Variants in CEP295 observed in about 807,000 individuals in gnomAD.
CEP295 encodes the protein centrosomal protein 295.
CEP295 carries 190 observed loss-of-function variants against 291.6 expected under a neutral mutation model. That is an observed-to-expected ratio of 0.65 (90% CI 0.58 to 0.73). The LOEUF (loss-of-function observed/expected upper bound fraction) is 0.73, where lower values mean the gene tolerates loss of function less well. Among genes scored for constraint, CEP295 ranks in the 30% least tolerant of loss-of-function variants. The pLI is 0.00. For missense variants in CEP295, 2,863 were observed against 2,949.4 expected (o/e 0.97, Z 0.68); for synonymous variants, 993 against 1,038.8 (o/e 0.96, Z 0.85).
rs926551300 is a variant in CEP295, at chr11:93,713,277, A to G, written c.5749+6380A>G. ...TATAATATTCTGTGTATTTCTGTGT[A>G]CTTACTATTACCAGTGATTTTTGTA... is the stretch of plus-strand genomic sequence containing the variant. On this transcript the variant is annotated intron_variant, in intron 18 of 29. Coordinates refer to ENST00000325212, the MANE Select transcript of CEP295 (RefSeq NM_033395.2). Among the ~76,000 whole-genome samples the G allele has an allele frequency of 2.6e-5, 4 of 152,150 alleles. No individual in the cohort carries two copies. In the South Asian group the frequency reaches 8.3e-4, roughly 32 times the overall value.
intron 24 of CEP295, 61 bp from the exon 25 acceptor site, chr11:93,728,620 G>A (rs538362675): frequency 1.3e-5 from 19 of 1,422,282 alleles, no homozygotes; most frequent in Admixed American, 1.2e-4. Flanking sequence ...TATACAAAAC[G>A]ATTAGTTTAA....
intron 18 of CEP295, among the ~76,000 whole-genome samples, chr11:93,716,453 T>A (rs1591128217): frequency 6.6e-6 from 1 of 152,368 alleles, no homozygotes; most frequent in East Asian, 1.9e-4. Context: ...CTGTGATTGC[T>A]CACCGGATTT....
chr11:93,723,986 A>C, intron 21 of CEP295: 1 of 191,060 alleles, frequency 5.2e-6, no homozygotes, highest in South Asian at 1.6e-4. Flanking sequence ...AAATTTAAAA[A>C]AATTAAATTT....
intron 15 of CEP295, among the ~76,000 whole-genome samples, chr11:93,701,566 G>T (rs186039705): frequency 1.3e-5 from 2 of 152,148 alleles, no homozygotes; most frequent in Admixed American, 1.3e-4. Context: ...ATGGAAAGAT[G>T]AAATGGAGGC....
intron 18 of CEP295, among the ~76,000 whole-genome samples, chr11:93,714,175 G>A (rs541789686): frequency 6.6e-6 from 1 of 152,206 alleles, no homozygotes; most frequent in African/African-American, 2.4e-5. Flanking sequence ...ATTTAGTTTG[G>A]TGAAGTCATG....
At position 93,729,323 on chromosome 11, in the gene CEP295, A is replaced by T. The variant is rs895794045; in HGVS notation, c.7303-111A>T. 1.4e-5 allele frequency: 10 copies of T among 732,328 alleles called. No individual in the cohort carries two copies. The Admixed American group carries it at 2.3e-4, about 17-fold the overall frequency. 45.4% of individuals were successfully genotyped at this position (732,328 alleles called of 1,614,324 possible). On this transcript the variant is annotated intron_variant, in intron 25 of 29. Coordinates refer to ENST00000325212, the MANE Select transcript of CEP295 (RefSeq NM_033395.2). ...GCGGGTCTCTGTAGACCCAGCTAAG[A>T]TTGAGGCTGCAGTGAGGTGTGATCA...
chr11:93,668,937 A>G lies in CEP295; in HGVS notation c.434+5A>G, dbSNP rs1565428390. The G allele has an allele frequency of 5.5e-6, 6 of 1,095,784 alleles. No individual in the cohort carries two copies. The highest frequency in any genetic ancestry group is 2.6e-5 in the East Asian group (1 of 38,610). 67.9% of individuals were successfully genotyped at this position (1,095,784 alleles called of 1,614,324 possible). A position where few individuals can be genotyped will look rare whatever the true frequency, so the allele number is the denominator to read the frequency against. On this transcript the variant is annotated splice_donor_5th_base_variant and intron_variant, in intron 4 of 29. Transcript: ENST00000325212. ...ATTACTGAAACAAAAAACCTGGTAAAGTAATAATTTTTACTATAATCTCAA... is the reference window on the plus strand; with the variant it reads ...ATTACTGAAACAAAAAACCTGGTAAGGTAATAATTTTTACTATAATCTCAA...
chr11:93,695,776 C>G, intron 13 of CEP295, 142 bp downstream of exon 13: 1 of 900,898 alleles, frequency 1.1e-6, no homozygotes, highest in East Asian at 3.4e-5. Flanking sequence ...TTTGGGTGGC[C>G]GAGACAGGCA....
intron 1 of CEP295, among the ~76,000 whole-genome samples, chr11:93,663,320 C>T (rs1950071210): frequency 6.6e-6 from 1 of 152,194 alleles, no homozygotes; most frequent in African/African-American, 2.4e-5. Flanking sequence ...TAGACTTACA[C>T]TGAAGTCTGA....
chr11:93,724,066 T>A, intron 21 of CEP295, 188 bp from the exon 22 acceptor site: 1 of 511,242 alleles, frequency 2.0e-6, no homozygotes, highest in Non-Finnish European at 3.4e-6. Flanking sequence ...GAAATAATCA[T>A]GATAGGACTT....
chr11:93,688,487 C>G (rs1328851785), intron 10 of CEP295, among the ~76,000 whole-genome samples: 2 of 152,112 alleles, frequency 1.3e-5, no homozygotes, highest in Non-Finnish European at 2.9e-5. Flanking sequence ...GACTTGTGGT[C>G]TATATTTGGG....
At chr11:93,679,728 G>A (rs1950871014) in intron 7 of CEP295, among the ~76,000 whole-genome samples, 176 bp downstream of exon 7, 1 of 152,016 alleles carries the variant, frequency 6.6e-6, no homozygotes, top group Non-Finnish European at 1.5e-5. Context: ...AGTTCTGATT[G>A]GGTTAAGCTA....
intron 18 of CEP295, among the ~76,000 whole-genome samples, chr11:93,717,455 G>A (rs529847582): frequency 6.6e-6 from 1 of 152,180 alleles, no homozygotes; most frequent in Non-Finnish European, 1.5e-5. Context: ...GGACTTATAG[G>A]ATTTGGGCTT....
chr11:93,691,982 TC>T lies in CEP295; in HGVS notation c.1487del (p.Pro496LeufsTer17). 1 of 1,546,250 alleles carries T rather than the reference TC, an allele frequency of 6.5e-7. No individual in the cohort carries two copies. The highest frequency in any genetic ancestry group is 8.8e-7 in the Non-Finnish European group (1 of 1,142,140). On this transcript the variant is annotated frameshift_variant, in exon 12 of 30. Coordinates refer to ENST00000325212, the MANE Select transcript of CEP295 (RefSeq NM_033395.2). LOFTEE classifies it high-confidence loss of function. ...TAGCTCAGAGTTCAGTTCTACTTCA[TC>T]CTCAAGAAGCAGCAGCCAGGATTAG... ...TVAQSSVLLHPQEAAARIRMS... is the reference protein window; with the variant it reads ...TVAQSSVLLHXQEAAARIRMS...
intron 7 of CEP295, among the ~76,000 whole-genome samples, chr11:93,681,836 C>G (rs1216065655): frequency 6.9e-6 from 1 of 144,902 alleles, no homozygotes; most frequent in Non-Finnish European, 1.5e-5. Context: ...TGTGGGCCAC[C>G]AAGCCTGGCT....
At position 93,721,328 on chromosome 11, in the gene CEP295, T is replaced by C. The variant is rs984904539; in HGVS notation, c.5766T>C (p.Ser1922=). Reference sequence around the variant, plus strand: ...ATTTTTCAGTTAAGCTGAAGGAATCTGTTGTTGAAAATCATGCAGTGTTAA... The same window carrying C: ...ATTTTTCAGTTAAGCTGAAGGAATCCGTTGTTGAAAATCATGCAGTGTTAA... The part of the protein sequence containing the change: ...DYDEAVKLKE[S]VVENHAVLSY... The change falls in exon 19 of 30, where the codon TCT becomes TCC. Residue 1922 remains serine (S), a synonymous_variant. Coordinates refer to ENST00000325212, the MANE Select transcript of CEP295 (RefSeq NM_033395.2). The C allele has an allele frequency of 7.1e-6, 11 of 1,552,268 alleles. No individual in the cohort carries two copies. Among genetic ancestry groups the C allele is most frequent in the Non-Finnish European group, 7.9e-6 (9 of 1,146,238 alleles).
At chr11:93,696,482 A>G in intron 14 of CEP295, 65 bp downstream of exon 14, 1 of 1,172,398 alleles carries the variant, frequency 8.5e-7, no homozygotes, top group Non-Finnish European at 1.2e-6. Flanking sequence ...TTATTGTTTC[A>G]TTTATATGAG....
At chr11:93,726,717 T>G (rs367582934) in intron 23 of CEP295, 11 of 320,698 alleles carry the variant, frequency 3.4e-5, no homozygotes, top group African/African-American at 2.1e-4. Flanking sequence ...TCAGTTCTTA[T>G]AGAGGAAAAC....
Position 93,729,634 on chromosome 11 carries a change from C to T in CEP295, c.7420C>T (p.Pro2474Ser), listed in dbSNP as rs1179635576. 4 of 1,550,862 alleles carry T rather than the reference C, an allele frequency of 2.6e-6. No individual in the cohort carries two copies. The highest frequency in any genetic ancestry group is 3.5e-6 in the Non-Finnish European group (4 of 1,146,780). Residue 2474 changes from proline to serine, a missense_variant, in exon 27 of 30, where the codon CCT (proline) becomes TCT (serine). Around this residue, in one of 3 missense-constraint regions of CEP295, gnomAD observed 2,295 missense variants for 2,335.7 expected, o/e 0.98. Coordinates refer to ENST00000325212, the MANE Select transcript of CEP295 (RefSeq NM_033395.2). ...ASTETPRRLT[P>S]VPGSLQEAFI... is the part of the protein sequence containing the mutation. ...AGCAGAAACCCCTCGCAGGCTTACA[C>T]CTGTACCAGGGAGCTTACAAGAAGC... is the stretch of plus-strand genomic sequence containing the variant.
Sources: allele counts gnomAD v4.1 joint callset (sites outside exome capture counted in the v4.1 genomes callset), GRCh38; gene constraint gnomAD v4.1.1; regional missense constraint gnomAD v4.1.1; transcripts MANE v1.5; gene names NCBI Gene and HGNC (gene_info 2026-07-23, HGNC 2026-07-21).